The following PRKG1 variants were observed in gnomAD, a reference collection of about 807,000 sequenced individuals.
PRKG1 encodes cGMP-dependent protein kinase 1.
A neutral mutation model predicts 88.1 loss-of-function variants in PRKG1; 35 were observed. That is an observed-to-expected ratio of 0.40 (90% CI 0.30 to 0.53). PRKG1 has a LOEUF of 0.53. PRKG1 is among the 20% of genes least tolerant of loss of function. The probability of loss-of-function intolerance (pLI) is 0.59; values close to 1 mark genes in which losing one functional copy is unlikely to be tolerated. For synonymous variants in PRKG1, 303 were observed against 292.5 expected (o/e 1.04, Z -0.37); for missense variants, 540 against 839.8 (o/e 0.64, Z 4.41).
intron 2 of PRKG1, among the ~76,000 whole-genome samples, chr10:51,253,995 G>A (rs1264256779): frequency 6.6e-6 from 1 of 151,922 alleles, no homozygotes; most frequent in African/African-American, 2.4e-5. Flanking sequence ...GATCATTATG[G>A]ATAAATTTGA....
At chr10:52,072,511 C>T (rs2133288717) in intron 7 of PRKG1, among the ~76,000 whole-genome samples, 1 of 152,258 alleles carries the variant, frequency 6.6e-6, no homozygotes, top group South Asian at 2.1e-4. Context: ...AGAACTTTTT[C>T]CTACGGGGCA....
At chr10:52,178,365 A>C (rs1429785775) in intron 9 of PRKG1, among the ~76,000 whole-genome samples, 1 of 152,078 alleles carries the variant, frequency 6.6e-6, no homozygotes, top group East Asian at 1.9e-4. Flanking sequence ...TGGTCAGATA[A>C]GATACTTGAT....
intron 7 of PRKG1, among the ~76,000 whole-genome samples, chr10:52,071,821 T>C (rs1484015845): frequency 6.6e-6 from 1 of 152,206 alleles, no homozygotes; most frequent in African/African-American, 2.4e-5. Context: ...TCTGCAAAGA[T>C]ACGTTTTAGC....
At chr10:52,178,445 A>G (rs1228217790) in intron 9 of PRKG1, among the ~76,000 whole-genome samples, 2 of 152,124 alleles carry the variant, frequency 1.3e-5, no homozygotes, top group African/African-American at 4.8e-5. Flanking sequence ...TGTTCCATAT[A>G]CTGATGAAAA....
chr10:50,994,569 T>C lies in PRKG1; in HGVS notation c.266+2925T>C, dbSNP rs1319802398. Among the ~76,000 whole-genome samples the C allele has an allele frequency of 2.6e-5, 4 of 152,024 alleles. No individual in the cohort carries two copies. The East Asian group carries it at 7.7e-4, about 29-fold the overall frequency. On this transcript the variant is annotated intron_variant, in intron 1 of 17. Coordinates refer to the PRKG1 transcript ENST00000401604. ...CTCACCTGTTTTTTGTAAAAGGCTGTGCCGTTCTGAAGGGCATGCTGGGGC... is the reference window on the plus strand; with the variant it reads ...CTCACCTGTTTTTTGTAAAAGGCTGCGCCGTTCTGAAGGGCATGCTGGGGC...
chr10:51,643,535 T>C (rs1206776311), intron 3 of PRKG1, among the ~76,000 whole-genome samples: 1 of 152,178 alleles, frequency 6.6e-6, no homozygotes, highest in African/African-American at 2.4e-5. Flanking sequence ...AAACTTGACA[T>C]TTAAAGGAAG....
intron 4 of PRKG1, among the ~76,000 whole-genome samples, chr10:51,834,392 C>T (rs1202423284): frequency 6.6e-6 from 1 of 152,018 alleles, no homozygotes; most frequent in African/African-American, 2.4e-5. Context: ...GTAATCCCAA[C>T]AACTTTGGGA....
At chr10:51,835,953 C>T (rs142155831) in intron 4 of PRKG1, among the ~76,000 whole-genome samples, 57 of 152,162 alleles carry the variant, frequency 3.7e-4, no homozygotes, top group South Asian at 1.0e-3. Context: ...CATCTCATTG[C>T]GGTTTTAATT....
intron 3 of PRKG1, among the ~76,000 whole-genome samples, chr10:51,777,635 C>T (rs1838474883): frequency 6.6e-6 from 1 of 152,086 alleles, no homozygotes. Context: ...TGCCAAGAGT[C>T]CATAGTTTAC....
chr10:51,289,881 C>A (rs1840538162), intron 2 of PRKG1, among the ~76,000 whole-genome samples: 1 of 152,288 alleles, frequency 6.6e-6, no homozygotes. Flanking sequence ...GACTGCATTT[C>A]ACTCTGCAGC....
intron 4 of PRKG1, among the ~76,000 whole-genome samples, chr10:51,856,795 C>G (rs756836202): frequency 1.3e-4 from 19 of 151,824 alleles, no homozygotes; most frequent in Admixed American, 7.9e-4. Context: ...GAAACCCCGT[C>G]TCTACTACAA....
At chr10:51,224,889 A>G (rs1838648288) in intron 2 of PRKG1, among the ~76,000 whole-genome samples, 1 of 152,144 alleles carries the variant, frequency 6.6e-6, no homozygotes, top group Non-Finnish European at 1.5e-5. Context: ...TCCAATTTGG[A>G]AATAATCCAT....
chr10:51,961,977 T>C (rs574272828), intron 5 of PRKG1, among the ~76,000 whole-genome samples: 1 of 152,098 alleles, frequency 6.6e-6, no homozygotes, highest in East Asian at 1.9e-4. Context: ...ACTAGCACCA[T>C]CGGACATCAT....
At chr10:51,386,147 G>A (rs1252563674) in intron 2 of PRKG1, among the ~76,000 whole-genome samples, 1 of 152,114 alleles carries the variant, frequency 6.6e-6, no homozygotes, top group Non-Finnish European at 1.5e-5. Context: ...GTTTCCTCTT[G>A]TTCCATTATT....
At chr10:51,734,915 G>C (rs1250276525) in intron 3 of PRKG1, among the ~76,000 whole-genome samples, 1 of 152,188 alleles carries the variant, frequency 6.6e-6, no homozygotes, top group Non-Finnish European at 1.5e-5. Flanking sequence ...CCCATCTATA[G>C]TGTGTTATAT....
intron 2 of PRKG1, among the ~76,000 whole-genome samples, chr10:51,362,192 T>C (rs1048685544): frequency 6.6e-6 from 1 of 151,880 alleles, no homozygotes; most frequent in African/African-American, 2.4e-5. Flanking sequence ...TGGAGTACAG[T>C]GGCATGATCA....
At chr10:51,922,571 T>G (rs34348227) in intron 5 of PRKG1, among the ~76,000 whole-genome samples, 5 of 152,042 alleles carry the variant, frequency 3.3e-5, no homozygotes, top group African/African-American at 9.6e-5. Context: ...TTCTGCTACA[T>G]TCCAGGAATT....
chr10:51,674,440 T>C (rs1029498436), intron 3 of PRKG1, among the ~76,000 whole-genome samples: 1 of 152,220 alleles, frequency 6.6e-6, no homozygotes, highest in Non-Finnish European at 1.5e-5. Context: ...TTCATCAGGA[T>C]GTATAAATCA....
intron 2 of PRKG1, among the ~76,000 whole-genome samples, chr10:51,328,544 A>T (rs1203143247): frequency 6.6e-6 from 1 of 152,136 alleles, no homozygotes; most frequent in Non-Finnish European, 1.5e-5. Context: ...GCATTGATGG[A>T]TTATATGGTA....
Sources: allele counts gnomAD v4.1 joint callset (sites outside exome capture counted in the v4.1 genomes callset), GRCh38; gene constraint gnomAD v4.1.1; transcripts MANE v1.5; gene names NCBI Gene and HGNC (gene_info 2026-07-23, HGNC 2026-07-21).